Variants in PLXDC2 observed in about 807,000 individuals in gnomAD.
PLXDC2 encodes the protein plexin domain containing 2.
PLXDC2 carries 40 observed loss-of-function variants against 68.9 expected under a neutral mutation model. The observed-to-expected ratio is 0.58, with a 90% confidence interval of 0.45 to 0.76. PLXDC2 has a LOEUF of 0.76. Ranked by LOEUF, PLXDC2 falls within the 30% of genes least tolerant of loss-of-function variation. The pLI, the probability that PLXDC2 is intolerant of heterozygous loss-of-function variation, is 0.00. For missense variants in PLXDC2, 644 were observed against 661.9 expected (o/e 0.97, Z 0.30); for synonymous variants, 243 against 234.2 (o/e 1.04, Z -0.34).
intron 1 of PLXDC2, among the ~76,000 whole-genome samples, chr10:19,851,571 A>T (rs1837118799): frequency 6.6e-6 from 1 of 152,210 alleles, no homozygotes; most frequent in Non-Finnish European, 1.5e-5. Context: ...TTTGAGACAG[A>T]GTCTCGCTCT....
Position 19,949,673 on chromosome 10 carries a change from T to A in PLXDC2, c.113-52102T>A, listed in dbSNP as rs74486297. Among the ~76,000 whole-genome samples the A allele has an allele frequency of 9.9e-3, 1,503 of 152,308 alleles. 13 individuals carry two copies. The highest frequency in any genetic ancestry group is 0.016 in the Non-Finnish European group (1,084 of 68,022). ...ATGTAATACAAAATGTTAATTCATC[T>A]TGATATTAGAGACTTCTGTAAGTGG... On this transcript the variant is annotated intron_variant, in intron 1 of 13. Transcript: ENST00000377252.
At chr10:19,973,281 C>A (rs1834386422) in intron 1 of PLXDC2, among the ~76,000 whole-genome samples, 1 of 96,548 alleles carries the variant, frequency 1.0e-5, no homozygotes, top group African/African-American at 4.4e-5. Context: ...TATATGTATA[C>A]ACATACATAT....
intron 1 of PLXDC2, among the ~76,000 whole-genome samples, chr10:19,835,130 A>T (rs1012582990): frequency 1.3e-5 from 2 of 152,212 alleles, no homozygotes; most frequent in African/African-American, 4.8e-5. Flanking sequence ...GCACAAGATT[A>T]GGAAGGGCCT....
chr10:19,910,461 CTG>C (rs1451777626), intron 1 of PLXDC2, among the ~76,000 whole-genome samples: 1 of 151,872 alleles, frequency 6.6e-6, no homozygotes, highest in Non-Finnish European at 1.5e-5. Context: ...CACTGAGAGA[CTG>C]TGGGATTACG....
intron 2 of PLXDC2, among the ~76,000 whole-genome samples, chr10:20,044,281 CTTTCTTTCTTTCTTCTT>C (rs1835756888): frequency 1.2e-5 from 1 of 81,318 alleles, no homozygotes; most frequent in African/African-American, 4.7e-5. Context: ...TTCTTTCTTT[CTTTCTTTCTTTCTTCTT>C]TCTCTCTCTC....
chr10:19,817,576 G>A (rs1444359379), intron 1 of PLXDC2, among the ~76,000 whole-genome samples: 1 of 152,162 alleles, frequency 6.6e-6, no homozygotes, highest in Non-Finnish European at 1.5e-5. Flanking sequence ...TAAACTAAGC[G>A]TGTGTGGTAT....
intron 12 of PLXDC2, among the ~76,000 whole-genome samples, chr10:20,227,319 A>C (rs1835299739): frequency 6.6e-6 from 1 of 152,302 alleles, no homozygotes; most frequent in Admixed American, 6.5e-5. Context: ...AGAGTCAAGA[A>C]AAACTATATA....
intron 1 of PLXDC2, among the ~76,000 whole-genome samples, chr10:19,892,398 C>A (rs1028484182): frequency 2.0e-5 from 3 of 152,172 alleles, no homozygotes; most frequent in African/African-American, 7.2e-5. Context: ...CGCTCTTAAC[C>A]ACTATGCCAC....
intron 4 of PLXDC2, among the ~76,000 whole-genome samples, chr10:20,076,426 A>C (rs966449251): frequency 6.6e-6 from 1 of 152,236 alleles, no homozygotes; most frequent in Non-Finnish European, 1.5e-5. Context: ...CCTTGCCTAT[A>C]AAATAGCACA....
intron 1 of PLXDC2, among the ~76,000 whole-genome samples, chr10:19,881,621 T>C (rs1379913668): frequency 6.6e-6 from 1 of 152,250 alleles, no homozygotes; most frequent in Non-Finnish European, 1.5e-5. Flanking sequence ...GGAAAGTTCC[T>C]ACTTTTGGAC....
chr10:19,977,853 A>G (rs1301792308), intron 1 of PLXDC2, among the ~76,000 whole-genome samples: 1 of 152,172 alleles, frequency 6.6e-6, no homozygotes, highest in Non-Finnish European at 1.5e-5. Context: ...CCCAAAGGCC[A>G]CACCTCCAAA....
At chr10:20,189,830 C>G (rs1233120284) in intron 9 of PLXDC2, among the ~76,000 whole-genome samples, 1 of 151,408 alleles carries the variant, frequency 6.6e-6, no homozygotes, top group African/African-American at 2.4e-5. Context: ...GCATTTTGGT[C>G]TCTGTCTTCT....
At chr10:19,883,645 C>T (rs1303038717) in intron 1 of PLXDC2, among the ~76,000 whole-genome samples, 1 of 151,858 alleles carries the variant, frequency 6.6e-6, no homozygotes, top group Non-Finnish European at 1.5e-5. Context: ...CTCCTAGGAT[C>T]AATCTTTTGG....
chr10:20,201,569 A>G (rs1052963662), intron 9 of PLXDC2, among the ~76,000 whole-genome samples: 1 of 152,020 alleles, frequency 6.6e-6, no homozygotes, highest in East Asian at 1.9e-4. Context: ...CAATAACTCT[A>G]TATTGTAATG....
chr10:19,834,416 T>C (rs1836752122), intron 1 of PLXDC2, among the ~76,000 whole-genome samples: 1 of 151,914 alleles, frequency 6.6e-6, no homozygotes, highest in Admixed American at 6.6e-5. Context: ...AAGGGACAGA[T>C]ATACCAAAAA....
intron 4 of PLXDC2, among the ~76,000 whole-genome samples, chr10:20,078,247 G>A (rs1836485352): frequency 6.6e-6 from 1 of 152,116 alleles, no homozygotes; most frequent in Non-Finnish European, 1.5e-5. Context: ...GCAGGGCATG[G>A]TGGTATGCTT....
At chr10:19,889,945 C>A (rs1025080985) in intron 1 of PLXDC2, among the ~76,000 whole-genome samples, 9 of 152,212 alleles carry the variant, frequency 5.9e-5, no homozygotes, top group African/African-American at 1.9e-4. Flanking sequence ...GAGGAAGCCA[C>A]TGAGGCGTAG....
At chr10:20,160,297 G>A (rs1441193495) in intron 6 of PLXDC2, among the ~76,000 whole-genome samples, 2 of 152,090 alleles carry the variant, frequency 1.3e-5, no homozygotes, top group African/African-American at 4.8e-5. Flanking sequence ...TGGTTTGACA[G>A]ATGCAGTAAT....
intron 12 of PLXDC2, among the ~76,000 whole-genome samples, chr10:20,231,251 A>G (rs1835360334): frequency 6.7e-6 from 1 of 149,940 alleles, no homozygotes; most frequent in African/African-American, 2.4e-5. Context: ...ATATAAATAT[A>G]TATGAATATT....
Sources: gnomAD v4.1 joint callset for allele counts (sites outside exome capture counted in the v4.1 genomes callset) on GRCh38, gnomAD v4.1.1 for gene constraint, MANE v1.5 for transcripts, NCBI Gene and HGNC (gene_info 2026-07-23, HGNC 2026-07-21) for gene names.